Variants in AHCTF1 observed in about 807,000 individuals in gnomAD.
The protein encoded by AHCTF1 is protein ELYS.
AHCTF1 carries 24 observed loss-of-function variants against 248.4 expected under a neutral mutation model. The observed-to-expected ratio is 0.10, with a 90% CI of 0.07 to 0.14. The LOEUF (loss-of-function observed/expected upper bound fraction) is 0.14, where lower values mean the gene tolerates loss of function less well. AHCTF1 is among the 10% of genes least tolerant of loss of function. AHCTF1 has a pLI of 1.00. For missense variants in AHCTF1, 2,206 were observed against 2,636.2 expected (o/e 0.84, Z 3.57); for synonymous variants, 786 against 929.8 (o/e 0.85, Z 2.81).
intron 8 of AHCTF1, 40 bp from the exon 9 acceptor site, chr1:246,900,509 T>C (rs533304944): frequency 5.7e-5 from 89 of 1,562,088 alleles, no homozygotes; most frequent in Non-Finnish European, 7.4e-5. Flanking sequence ...GAATAAAGAA[T>C]CTCAAAGTAA....
At chr1:246,869,429 C>CA (rs552196153) in intron 24 of AHCTF1, among the ~76,000 whole-genome samples, 13 of 152,002 alleles carry the variant, frequency 8.6e-5, no homozygotes, top group African/African-American at 1.2e-4. Flanking sequence ...GTTGTAAATG[C>CA]AAAAAAGAAC....
At position 246,890,104 on chromosome 1, in the gene AHCTF1, AT is replaced by A. The variant is rs112314625; in HGVS notation, c.2051-46del. 9.3e-6 allele frequency: 12 copies of A among 1,293,404 alleles called. No homozygotes were observed. The African/African-American group carries it at 1.3e-4, about 14-fold the overall frequency. 80.1% of individuals were successfully genotyped at this position (1,293,404 alleles called of 1,614,324 possible). ...AAAAAAAGCTGGTAATAATCCCCAA[AT>A]ATCTCAACAATACATATTAATATTT... On this transcript the variant is annotated intron_variant, in intron 16 of 35. Coordinates refer to ENST00000648844, the MANE Select transcript of AHCTF1 (RefSeq NM_001323342.2).
At chr1:246,841,461 T>C (rs2103024321) in intron 35 of AHCTF1, among the ~76,000 whole-genome samples, 1 of 152,288 alleles carries the variant, frequency 6.6e-6, no homozygotes, top group South Asian at 2.1e-4. Context: ...ATGTAAACAG[T>C]GGTATTAGCC....
At chr1:246,897,346 C>T (rs991021222) in intron 12 of AHCTF1, among the ~76,000 whole-genome samples, 3 of 152,026 alleles carry the variant, frequency 2.0e-5, no homozygotes, top group South Asian at 2.1e-4. Flanking sequence ...AACAAATAAA[C>T]GAAAAAAGTC....
At chr1:246,887,095 T>A (rs1000784214) in intron 20 of AHCTF1, 116 bp downstream of exon 20, 13 of 1,194,740 alleles carry the variant, frequency 1.1e-5, no homozygotes, top group Non-Finnish European at 1.5e-5. Flanking sequence ...ACTGGGTCCT[T>A]CCTCAACTAT....
chr1:246,857,353 C>G (rs1355466005), intron 30 of AHCTF1, among the ~76,000 whole-genome samples: 1 of 152,170 alleles, frequency 6.6e-6, no homozygotes, highest in Non-Finnish European at 1.5e-5. Flanking sequence ...ACTGTGTCTA[C>G]CTACAAGAGT....
intron 1 of AHCTF1, among the ~76,000 whole-genome samples, chr1:246,922,033 T>C (rs1309924423): frequency 1.3e-5 from 2 of 152,236 alleles, no homozygotes; most frequent in Non-Finnish European, 2.9e-5. Flanking sequence ...GATACATTGG[T>C]ATATTTTAGA....
At position 246,866,323 on chromosome 1, in the gene AHCTF1, G is replaced by GA. The variant is rs138811688; in HGVS notation, c.3347+920dup. Among the ~76,000 whole-genome samples, 223 of 150,982 alleles carry GA rather than the reference G, an allele frequency of 1.5e-3. 10 individuals carry two copies. The East Asian group carries it at 0.034, about 23-fold the overall frequency. ...AAAGACCAAGAAAAGGGGACTTGCAGAAAAAAAAATCCGAACTATTGGTAG... is the reference window on the plus strand; with the variant it reads ...AAAGACCAAGAAAAGGGGACTTGCAGAAAAAAAAAATCCGAACTATTGGTAG... On this transcript the variant is annotated intron_variant, in intron 26 of 35. Transcript: ENST00000648844.
At position 246,899,591 on chromosome 1, in the gene AHCTF1, G is replaced by C. The variant is rs1429932429; in HGVS notation, c.1433-79C>G. On this transcript the variant is annotated intron_variant, in intron 10 of 35. Transcript: ENST00000648844. ...ATAGAACAAAATTTATCCAATAACA[G>C]ACTGCAAGGCAAGGTGTCAAATTAT... 4.9e-6 allele frequency: 5 copies of C among 1,030,604 alleles called. No homozygotes were observed. The South Asian group carries it at 7.5e-5, about 16-fold the overall frequency. 63.8% of individuals were successfully genotyped at this position (1,030,604 alleles called of 1,614,324 possible).
In AHCTF1 at chr1:246,910,672, G is replaced by A. The variant is rs185111717; in HGVS notation, c.556+2560C>T. Among the ~76,000 whole-genome samples, 6 of 152,258 alleles carry A rather than the reference G, an allele frequency of 3.9e-5. No individual in the cohort carries two copies. In the East Asian group the frequency reaches 5.8e-4, roughly 15 times the overall value. On this transcript the variant is annotated intron_variant, in intron 4 of 35. Transcript: ENST00000648844. ...AGACTCATATATTAATATAACCACT[G>A]TGCAAGAGCAGATTCTCTCATTGTT...
rs376474185 is a variant in AHCTF1 at position 246,922,798 on chromosome 1, C to T, written c.-7-4421G>A. 8.1e-3 allele frequency among the ~76,000 whole-genome samples: 1,226 copies of T among 150,636 alleles called. 24 individuals are homozygous for T. The highest frequency in any genetic ancestry group is 0.039 in the Admixed American group (589 of 15,158). ...GAGATCGAGACCATCCTGGATAACA[C>T]GGTGAAACCCTGTCTCTACTAAAAA... On this transcript the variant is annotated intron_variant, in intron 1 of 35. Coordinates refer to ENST00000648844, the MANE Select transcript of AHCTF1 (RefSeq NM_001323342.2).
intron 17 of AHCTF1, 110 bp downstream of exon 17, chr1:246,889,856 G>GAT (rs1664099577): frequency 4.1e-6 from 3 of 735,862 alleles, no homozygotes; most frequent in Non-Finnish European, 6.7e-6. Context: ...AGCAAATTCT[G>GAT]ATACTTAACT....
chr1:246,903,540 C>CT (rs1665152200), intron 7 of AHCTF1, among the ~76,000 whole-genome samples: 1 of 152,026 alleles, frequency 6.6e-6, no homozygotes, highest in Admixed American at 6.6e-5. Flanking sequence ...ATAAGAATCG[C>CT]TTTTCACAGC....
chr1:246,867,336 T>C lies in AHCTF1; in HGVS notation c.3255A>G (p.Glu1085=), dbSNP rs375886381. Residue 1085 remains glutamate, a synonymous_variant, in exon 26 of 36, where the codon GAA becomes GAG. Transcript: ENST00000648844. ...GGAGCGAATACACTATAGGAGATGG[T>C]TCTTCTATTTTAGAACTATGAAAAT... ...TTPFNSSKIE[E]PSPIVYSLPA... 4.4e-5 allele frequency: 70 copies of C among 1,584,254 alleles called. No individual in the cohort carries two copies. The highest frequency in any genetic ancestry group is 5.4e-5 in the Non-Finnish European group (63 of 1,166,258).
At chr1:246,843,750 AAG>A in intron 34 of AHCTF1, 43 bp downstream of exon 34, 1 of 1,231,480 alleles carries the variant, frequency 8.1e-7, no homozygotes, top group African/African-American at 1.6e-5. Flanking sequence ...TAAAAAAAAA[AAG>A]TATGTTTTAA....
chr1:246,883,306 C>T (rs1056294709), intron 21 of AHCTF1, among the ~76,000 whole-genome samples: 2 of 152,184 alleles, frequency 1.3e-5, no homozygotes, highest in East Asian at 1.9e-4. Flanking sequence ...AACCTCTATC[C>T]ATGGTTCAAG....
rs527242743 is a variant in AHCTF1, at chr1:246,911,731, G to A, written c.556+1501C>T. ...ACTCCCGACCTCAAGTGATCCACCC[G>A]CCTTGGCCTCCCAAAGTGCTGGGAT... On this transcript the variant is annotated intron_variant, in intron 4 of 35. Transcript: ENST00000648844. Among the ~76,000 whole-genome samples, 9 of 152,180 alleles carry A rather than the reference G, an allele frequency of 5.9e-5. No individual in the cohort carries two copies. In the South Asian group the frequency reaches 1.5e-3, roughly 25 times the overall value.
At chr1:246,854,377 T>A (rs1660952063) in intron 31 of AHCTF1, among the ~76,000 whole-genome samples, 1 of 151,390 alleles carries the variant, frequency 6.6e-6, no homozygotes, top group African/African-American at 2.4e-5. Context: ...AAAGAAATAC[T>A]GACATAGAAT....
chr1:246,840,994 T>C lies in AHCTF1; in HGVS notation c.6613A>G (p.Thr2205Ala). Residue 2205 changes from threonine to alanine, a missense_variant, in exon 36 of 36, where the codon ACA (threonine) becomes GCA (alanine). Thr to Ala is a moderately conservative substitution (Grantham distance 58). Coordinates refer to ENST00000648844, the MANE Select transcript of AHCTF1 (RefSeq NM_001323342.2). ...TSKTKQASKN[T>A]EKESAWSPPP... ...GGTGACCAAGCACTTTCTTTTTCTG[T>C]GTTTCTGAAAAAAAAAGATATGATC... 1 of 1,594,920 alleles carries C rather than the reference T, an allele frequency of 6.3e-7. No homozygotes were observed.
Sources: gnomAD v4.1 joint callset for allele counts (sites outside exome capture counted in the v4.1 genomes callset) on GRCh38, gnomAD v4.1.1 for gene constraint, MANE v1.5 for transcripts, NCBI Gene and HGNC (gene_info 2026-07-23, HGNC 2026-07-21) for gene names.